The following CHID1 variants were observed in gnomAD, a reference collection of about 807,000 sequenced individuals.
The protein encoded by CHID1 is chitinase domain-containing protein 1.
A neutral mutation model predicts 55.4 loss-of-function variants in CHID1; 44 were observed. The ratio of observed to expected loss-of-function variants is 0.79; its 90% CI spans 0.62 to 1.02. The LOEUF is 1.02. Among genes scored for constraint, CHID1 ranks in the 50% least tolerant of loss-of-function variants. CHID1 has a pLI of 0.00. For missense variants in CHID1, 491 were observed against 515.3 expected (o/e 0.95, Z 0.46); for synonymous variants, 216 against 212.9 (o/e 1.01, Z -0.13).
Position 902,117 on chromosome 11 carries a change from C to A in CHID1, c.394+81G>T. 4 of 1,445,818 alleles carry A rather than the reference C, an allele frequency of 2.8e-6. No individual in the cohort carries two copies. In the South Asian group the frequency reaches 3.6e-5, roughly 13 times the overall value. The allele number at this position is 1,445,818 out of a possible 1,614,324, so 89.6% of individuals were successfully genotyped here. A position where few individuals can be genotyped will look rare whatever the true frequency, so the allele number is the denominator to read the frequency against. On this transcript the variant is annotated intron_variant, in intron 4 of 12. Coordinates refer to ENST00000323578, the MANE Select transcript of CHID1 (RefSeq NM_023947.4). ...AGACACCCACAGAGACATACCTACT[C>A]ACACACACACACCCCTGCTCTCGCA...
intron 10 of CHID1, chr11:882,182 G>A (rs1362108981): frequency 1.3e-5 from 2 of 152,214 alleles, no homozygotes; most frequent in Non-Finnish European, 2.9e-5. Flanking sequence ...AAAATTAGCA[G>A]GGCGCGGTGG....
intron 2 of CHID1, 84 bp from the exon 3 acceptor site, chr11:903,195 T>C (rs1282336679): frequency 2.8e-6 from 4 of 1,409,836 alleles, no homozygotes; most frequent in African/African-American, 1.4e-5. Flanking sequence ...GTCCCTTCCA[T>C]TCAGCCAGCA....
chr11:899,896 G>A (rs926402950), intron 6 of CHID1, 108 bp downstream of exon 6: 9 of 735,970 alleles, frequency 1.2e-5, no homozygotes, highest in Non-Finnish European at 1.9e-5. Context: ...AGGTGCCCAG[G>A]GCAGAAGACA....
At chr11:897,692 C>T (rs10902229) in intron 7 of CHID1, among the ~76,000 whole-genome samples, 17,845 of 152,244 alleles carry the variant, frequency 0.12, 1,480 homozygotes, top group Non-Finnish European at 0.17. Context: ...TCACACAGCT[C>T]CTTGTCTTCC....
rs1427450659 is a variant in CHID1 at position 868,578 on chromosome 11, T to C, written c.*1280A>G. 1 of 152,156 alleles carries C rather than the reference T, an allele frequency of 6.6e-6. No individual in the cohort carries two copies. The highest frequency in any genetic ancestry group is 1.5e-5 in the Non-Finnish European group (1 of 68,046). The allele number at this position is 152,156 out of a possible 1,614,324, so 9.4% of individuals were successfully genotyped here. A position where few individuals can be genotyped will look rare whatever the true frequency, so the allele number is the denominator to read the frequency against. ...GGTGGGAACGGCTGCACCTGCACTG[T>C]GGCAGCTCGCAGGCCTCCCTGACGT... is the stretch of plus-strand genomic sequence containing the variant. On this transcript the variant is annotated 3_prime_UTR_variant, in exon 13 of 13. Transcript: ENST00000323578.
At chr11:870,936 G>A (rs550163014) in intron 10 of CHID1, among the ~76,000 whole-genome samples, 1 of 152,104 alleles carries the variant, frequency 6.6e-6, no homozygotes, top group Admixed American at 6.6e-5. Context: ...CCTCGTACTG[G>A]GTGGGCAGTG....
At chr11:898,099 G>A (rs547917855) in intron 7 of CHID1, among the ~76,000 whole-genome samples, 4 of 152,332 alleles carry the variant, frequency 2.6e-5, no homozygotes, top group African/African-American at 7.2e-5. Context: ...ACCGGCTCCA[G>A]GCTGAGGGTC....
chr11:893,362 G>A, intron 8 of CHID1, 65 bp downstream of exon 8: 1 of 1,370,458 alleles, frequency 7.3e-7, no homozygotes, highest in African/African-American at 1.4e-5. Context: ...CCGACACCCT[G>A]CACTGGCTGC....
upstream of CHID1, chr11:914,689 C>A: frequency 1.9e-6 from 1 of 516,460 alleles, no homozygotes; most frequent in Non-Finnish European, 3.1e-6. Flanking sequence ...CACTGCTGCA[C>A]TCCAGCCTGG....
chr11:870,481 C>A lies in CHID1; in HGVS notation c.978G>T (p.Lys326Asn). 6.2e-7 allele frequency: 1 copy of A among 1,611,010 alleles called. No individual in the cohort carries two copies. The highest frequency in any genetic ancestry group is 2.2e-5 in the East Asian group (1 of 44,848). The change falls in exon 11 of 13, where the codon AAG becomes AAT. Residue 326 changes from lysine (K) to asparagine (N), a missense_variant. Coordinates refer to ENST00000323578, the MANE Select transcript of CHID1 (RefSeq NM_023947.4). The stretch of plus-strand genomic sequence containing the variant: ...CCCACACCATCCGGGGCCTGTGGTC[C>A]TTCAGTGTCTGGATGTACCTGGGGA... ...VVGARYIQTL[K>N]DHRPRMVWDS...
intron 10 of CHID1, among the ~76,000 whole-genome samples, chr11:873,852 A>G (rs2134115820): frequency 6.6e-6 from 1 of 152,226 alleles, no homozygotes; most frequent in Middle Eastern, 3.4e-3. Flanking sequence ...TCCAACCTCA[A>G]AAACAGCTGC....
intron 8 of CHID1, among the ~76,000 whole-genome samples, chr11:886,294 C>T (rs1850391060): frequency 6.7e-6 from 1 of 149,958 alleles, no homozygotes; most frequent in Non-Finnish European, 1.5e-5. Flanking sequence ...ACTCTGTCTC[C>T]ACATTAATTA....
intron 7 of CHID1, among the ~76,000 whole-genome samples, chr11:897,609 T>C (rs1428172290): frequency 6.6e-6 from 1 of 152,200 alleles, no homozygotes; most frequent in Admixed American, 6.5e-5. Context: ...CCTCAGAGGC[T>C]GTGCAGACGA....
At chr11:881,115 G>C (rs2134159232) in intron 10 of CHID1, among the ~76,000 whole-genome samples, 1 of 152,202 alleles carries the variant, frequency 6.6e-6, no homozygotes, top group East Asian at 1.9e-4. Flanking sequence ...AGACATGGAA[G>C]ACGTAAAGGG....
In CHID1 at chr11:883,229, C is replaced by T; in HGVS notation, c.878G>A (p.Ser293Asn). 6.2e-7 allele frequency: 1 copy of T among 1,614,200 alleles called. No homozygotes were observed. The highest frequency in any genetic ancestry group is 8.5e-7 in the Non-Finnish European group (1 of 1,180,006). The change falls in exon 10 of 13, where the codon AGC becomes AAC. Residue 293 changes from serine (S) to asparagine (N), a missense_variant. Transcript: ENST00000323578. ...GAAGTTGAGCCCCAGGAGGATTTTGCTTCGCCACTTGGACTTCGGGTCCAG... is the reference window on the plus strand; with the variant it reads ...GAAGTTGAGCCCCAGGAGGATTTTGTTTCGCCACTTGGACTTCGGGTCCAG... ...QVLDPKSKWR[S>N]KILLGLNFYG...
intron 1 of CHID1, chr11:910,567 A>T: frequency 9.1e-7 from 1 of 1,100,054 alleles, no homozygotes; most frequent in Non-Finnish European, 1.1e-6. Flanking sequence ...CCTCGCTCTC[A>T]TAGCAACCCT....
intron 8 of CHID1, among the ~76,000 whole-genome samples, chr11:889,647 C>A (rs1221350777): frequency 6.6e-6 from 1 of 152,174 alleles, no homozygotes; most frequent in Non-Finnish European, 1.5e-5. Flanking sequence ...TCCCTGCCAG[C>A]CACACCGCCT....
rs561869736 is a variant in CHID1 at position 892,639 on chromosome 11, G to C, written c.701+788C>G. On this transcript the variant is annotated intron_variant, in intron 8 of 12. Transcript: ENST00000323578. Reference sequence around the variant, plus strand: ...CCAGGGGAGGAACCTGGCCACGACAGCAGGACCACGGGCACAGGTCTGAAA... The same window carrying C: ...CCAGGGGAGGAACCTGGCCACGACACCAGGACCACGGGCACAGGTCTGAAA... Among the ~76,000 whole-genome samples the C allele has an allele frequency of 1.8e-3, 276 of 152,358 alleles. 3 individuals are homozygous for C. Among genetic ancestry groups the C allele is most frequent in the South Asian group, 2.3e-3 (11 of 4,830 alleles).
upstream of CHID1, among the ~76,000 whole-genome samples, chr11:913,571 G>A (rs1216496784): frequency 6.6e-6 from 1 of 152,054 alleles, no homozygotes; most frequent in South Asian, 2.1e-4. Flanking sequence ...TCAGGAGTTC[G>A]AGACCAGTCT....
Sources: gnomAD v4.1 joint callset for allele counts (sites outside exome capture counted in the v4.1 genomes callset) on GRCh38, gnomAD v4.1.1 for gene constraint, MANE v1.5 for transcripts, NCBI Gene and HGNC (gene_info 2026-07-23, HGNC 2026-07-21) for gene names.